SORCS1: variants seen among roughly 807,000 people sequenced by gnomAD.
The protein encoded by SORCS1 is VPS10 domain-containing receptor SorCS1.
SORCS1 carries 60 observed loss-of-function variants against 146.1 expected under a neutral mutation model. That is an observed-to-expected ratio of 0.41 (90% confidence interval 0.33 to 0.51). The LOEUF (loss-of-function observed/expected upper bound fraction) is 0.51. Ranked by LOEUF, SORCS1 falls within the 20% of genes least tolerant of loss-of-function variation. SORCS1 has a pLI of 0.21. For missense variants in SORCS1, 1,352 were observed against 1,487.6 expected (o/e 0.91, Z 1.50); for synonymous variants, 637 against 584.0 (o/e 1.09, Z -1.31).
chr10:106,764,130 A>G (rs1231863060), intron 4 of SORCS1, among the ~76,000 whole-genome samples: 1 of 152,194 alleles, frequency 6.6e-6, no homozygotes, highest in African/African-American at 2.4e-5. Flanking sequence ...AATAAAACAC[A>G]CATCCACAAA....
intron 2 of SORCS1, among the ~76,000 whole-genome samples, chr10:106,890,814 T>C (rs865944250): frequency 2.4e-5 from 1 of 41,282 alleles, no homozygotes; most frequent in African/African-American, 2.2e-4. Flanking sequence ...ATACATACAT[T>C]TTTTTTTTTT....
intron 9 of SORCS1, among the ~76,000 whole-genome samples, chr10:106,689,013 C>A (rs1853095957): frequency 6.6e-6 from 1 of 152,154 alleles, no homozygotes; most frequent in Non-Finnish European, 1.5e-5. Context: ...TGTTAAGCCA[C>A]CAGAATACAC....
chr10:107,173,447 T>A, the SORCS1 span, among the ~76,000 whole-genome samples: 9 of 152,170 alleles, frequency 5.9e-5, no homozygotes, highest in Admixed American at 4.6e-4. Context: ...GTTAATTTGC[T>A]TGACTTTAGT....
intron 16 of SORCS1, among the ~76,000 whole-genome samples, chr10:106,668,706 A>G (rs1241156448): frequency 6.6e-6 from 1 of 152,178 alleles, no homozygotes; most frequent in Non-Finnish European, 1.5e-5. Flanking sequence ...GCTGGTACTT[A>G]GAATTTTGCA....
intron 2 of SORCS1, among the ~76,000 whole-genome samples, chr10:106,877,849 C>T (rs1301193678): frequency 6.6e-6 from 1 of 152,118 alleles, no homozygotes; most frequent in Non-Finnish European, 1.5e-5. Flanking sequence ...GCAGATTCTT[C>T]CATAATACCT....
upstream of SORCS1, among the ~76,000 whole-genome samples, chr10:107,164,974 G>A (rs1187333716): frequency 6.6e-6 from 1 of 150,766 alleles, no homozygotes; most frequent in Non-Finnish European, 1.5e-5. This position sits in a 1 kb window ranked among gnomAD's most constrained non-coding sequence, Gnocchi z 6.8. Context: ...GCGGCCGCGG[G>A]TCCCGGCGCT....
chr10:106,829,456 T>C (rs917777483), intron 3 of SORCS1, 118 bp downstream of exon 3: 4 of 663,942 alleles, frequency 6.0e-6, no homozygotes, highest in African/African-American at 5.2e-5. Context: ...CATCAACCCA[T>C]CTTTACATTT....
rs143806633 is a variant in SORCS1 at position 106,861,185 on chromosome 10, C to T, written c.627-31512G>A. ...GGCCGAGGCAGGCAGATTGCCTGAG[C>T]TCAGGAGTTCGCAACCAGCCTGGGC... is the stretch of plus-strand genomic sequence containing the variant. On this transcript the variant is annotated intron_variant, in intron 2 of 25. Transcript: ENST00000263054. 9.2e-3 allele frequency among the ~76,000 whole-genome samples: 1,403 copies of T among 152,202 alleles called. 27 individuals are homozygous for T. Among genetic ancestry groups the T allele is most frequent in the African/African-American group, 0.032 (1,340 of 41,530 alleles).
At chr10:107,144,752 T>C (rs924244502) in intron 1 of SORCS1, among the ~76,000 whole-genome samples, 4 of 152,200 alleles carry the variant, frequency 2.6e-5, no homozygotes, top group African/African-American at 9.7e-5. Context: ...CTCTCCCCCT[T>C]CGGCACAGCT....
At chr10:106,679,813 C>A in intron 10 of SORCS1, 79 bp from the exon 11 acceptor site, 1 of 1,132,070 alleles carries the variant, frequency 8.8e-7, no homozygotes, top group Non-Finnish European at 1.3e-6. Context: ...ATCATCCATC[C>A]ATCTAACCAA....
At chr10:107,179,641 C>T in the SORCS1 span, among the ~76,000 whole-genome samples, 6 of 152,000 alleles carry the variant, frequency 3.9e-5, no homozygotes, top group Non-Finnish European at 8.8e-5. Flanking sequence ...GTATAGTGAC[C>T]TCACATTATG....
rs71025574 is a variant in SORCS1 at position 107,034,685 on chromosome 10, A to AAAAAAAC, written c.559-78106_559-78105insGTTTTTT. ...ACATGAGCGAAACTCCATCTCAAAA[A>AAAAAAAC]AAAAAAAAAAAAAAAAAAAAAACAA... On this transcript the variant is annotated intron_variant, in intron 1 of 25. Coordinates refer to ENST00000263054, the MANE Select transcript of SORCS1 (RefSeq NM_052918.5). Among the ~76,000 whole-genome samples, 586 of 135,434 alleles carry AAAAAAAC rather than the reference A, an allele frequency of 4.3e-3. 18 individuals carry two copies. The highest frequency in any genetic ancestry group is 7.0e-3 in the Non-Finnish European group (448 of 63,730). 88.8% of individuals were successfully genotyped at this position (135,434 alleles called of 152,430 possible).
chr10:106,837,371 C>T (rs1948829701), intron 2 of SORCS1, among the ~76,000 whole-genome samples: 1 of 152,008 alleles, frequency 6.6e-6, no homozygotes, highest in Non-Finnish European at 1.5e-5. Flanking sequence ...GCTCTTCAAC[C>T]CAACCCCCTA....
chr10:107,102,414 G>C (rs1964989496), intron 1 of SORCS1, among the ~76,000 whole-genome samples: 1 of 152,154 alleles, frequency 6.6e-6, no homozygotes, highest in Admixed American at 6.6e-5. Flanking sequence ...TCCGGATCAG[G>C]ATATAAAGAA....
rs569564823 is a variant in SORCS1 at position 106,759,496 on chromosome 10, A to C, written c.959+2092T>G. Among the ~76,000 whole-genome samples, 12 of 152,356 alleles carry C rather than the reference A, an allele frequency of 7.9e-5. No homozygotes were observed. The East Asian group carries it at 2.3e-3, about 29-fold the overall frequency. On this transcript the variant is annotated intron_variant, in intron 5 of 25. Transcript: ENST00000263054. Reference sequence around the variant, plus strand: ...CGTCTTTTGGCAGGAGGTAGGATGTACATTCAAAGGTATTGATAAATATTA... The same window carrying C: ...CGTCTTTTGGCAGGAGGTAGGATGTCCATTCAAAGGTATTGATAAATATTA...
intron 5 of SORCS1, among the ~76,000 whole-genome samples, chr10:106,746,116 C>G (rs915349562): frequency 1.3e-4 from 19 of 151,812 alleles, no homozygotes; most frequent in Non-Finnish European, 1.0e-4. Context: ...AAAATAAATG[C>G]AATTTGGGAT....
chr10:107,128,946 TAAA>T (rs1376112940), intron 1 of SORCS1, among the ~76,000 whole-genome samples: 1 of 152,208 alleles, frequency 6.6e-6, no homozygotes, highest in Non-Finnish European at 1.5e-5. Context: ...GAGGTCTGCC[TAAA>T]AACATATAAT....
intron 3 of SORCS1, among the ~76,000 whole-genome samples, chr10:106,820,158 G>C (rs938073004): frequency 8.6e-5 from 13 of 151,732 alleles, no homozygotes; most frequent in Non-Finnish European, 1.5e-5. Flanking sequence ...TCATTTCCTG[G>C]TGCCAGATGC....
intron 16 of SORCS1, among the ~76,000 whole-genome samples, chr10:106,670,245 C>T (rs1851486839): frequency 6.6e-6 from 1 of 152,204 alleles, no homozygotes; most frequent in Non-Finnish European, 1.5e-5. Flanking sequence ...GAACAATTAA[C>T]ATTGACAACA....
Sources: allele counts gnomAD v4.1 joint callset (sites outside exome capture counted in the v4.1 genomes callset), GRCh38; gene constraint gnomAD v4.1.1; non-coding constraint Gnocchi (gnomAD v3.1); transcripts MANE v1.5; gene names NCBI Gene and HGNC (gene_info 2026-07-23, HGNC 2026-07-21).